NKAIN3: variants seen among roughly 807,000 people sequenced by gnomAD.
NKAIN3 encodes sodium/potassium-transporting ATPase subunit beta-1-interacting protein 3.
In NKAIN3, 25 loss-of-function variants were observed where a neutral mutation model predicts 30.2. The ratio of observed to expected loss-of-function variants is 0.83; its 90% confidence interval spans 0.60 to 1.16. The LOEUF is 1.16. NKAIN3 is among the 50% of genes most tolerant of loss of function. The pLI, the probability that NKAIN3 is intolerant of heterozygous loss-of-function variation, is 0.00. For missense variants in NKAIN3, 225 were observed against 254.1 expected, an observed-to-expected ratio of 0.89 and a Z score of 0.78; for synonymous variants, 91 against 89.6, an observed-to-expected ratio of 1.02 and a Z score of -0.09.
chr8:62,688,263 G>A (rs929097956), intron 3 of NKAIN3, among the ~76,000 whole-genome samples: 1 of 152,146 alleles, frequency 6.6e-6, no homozygotes, highest in Non-Finnish European at 1.5e-5. Context: ...TATTGGCCTT[G>A]GATCTAAACA....
chr8:62,282,703 A>G (rs1163840872), intron 1 of NKAIN3, among the ~76,000 whole-genome samples: 1 of 152,176 alleles, frequency 6.6e-6, no homozygotes, highest in Non-Finnish European at 1.5e-5. Flanking sequence ...GGTGACTGCC[A>G]GGGAATTTTG....
intron 5 of NKAIN3, among the ~76,000 whole-genome samples, chr8:62,940,305 A>G (rs765191095): frequency 2.6e-5 from 4 of 152,176 alleles, no homozygotes; most frequent in African/African-American, 7.2e-5. Flanking sequence ...ATAGGCAGCA[A>G]CACAATAATG....
intron 3 of NKAIN3, among the ~76,000 whole-genome samples, chr8:62,654,433 A>G (rs1812709409): frequency 6.6e-6 from 1 of 152,150 alleles, no homozygotes; most frequent in South Asian, 2.1e-4. Context: ...CAAAAGCTTC[A>G]ATGGCTTAAA....
chr8:62,361,912 C>T (rs1176909132), intron 1 of NKAIN3, among the ~76,000 whole-genome samples: 4 of 152,184 alleles, frequency 2.6e-5, no homozygotes, highest in Middle Eastern at 3.4e-3. Flanking sequence ...TTATTAGCTC[C>T]TTTTTATCAT....
chr8:62,276,596 T>G (rs1812972187), intron 1 of NKAIN3, among the ~76,000 whole-genome samples: 2 of 152,210 alleles, frequency 1.3e-5, no homozygotes, highest in South Asian at 4.1e-4. Flanking sequence ...ACCTACGTAT[T>G]TGGTTTTGTC....
At chr8:62,864,355 C>A (rs1490376372) in intron 4 of NKAIN3, among the ~76,000 whole-genome samples, 3 of 152,088 alleles carry the variant, frequency 2.0e-5, no homozygotes, top group African/African-American at 7.2e-5. Flanking sequence ...AGATCAGGAA[C>A]TTGCGAACAT....
chr8:62,548,193 T>G (rs1039407739), intron 1 of NKAIN3, among the ~76,000 whole-genome samples: 4 of 152,216 alleles, frequency 2.6e-5, no homozygotes, highest in Non-Finnish European at 2.9e-5. Flanking sequence ...ATATTTCTTC[T>G]GAAAATACCT....
intron 4 of NKAIN3, chr8:62,856,308 A>G: frequency 4.3e-6 from 4 of 920,680 alleles, no homozygotes; most frequent in Non-Finnish European, 7.3e-6. Context: ...AGAGATCACT[A>G]TATCTTTGAT....
intron 3 of NKAIN3, among the ~76,000 whole-genome samples, chr8:62,730,067 T>G (rs960450914): frequency 2.0e-5 from 3 of 152,228 alleles, no homozygotes; most frequent in Non-Finnish European, 4.4e-5. Context: ...TACCACAGCA[T>G]TGCTAATTTT....
intron 1 of NKAIN3, among the ~76,000 whole-genome samples, chr8:62,525,775 C>G (rs1808286798): frequency 6.6e-6 from 1 of 152,076 alleles, no homozygotes; most frequent in Non-Finnish European, 1.5e-5. Context: ...GCAAGTTGGT[C>G]TGGTGTGGCT....
intron 4 of NKAIN3, among the ~76,000 whole-genome samples, chr8:62,889,001 T>C (rs1351195008): frequency 6.6e-6 from 1 of 152,162 alleles, no homozygotes; most frequent in Non-Finnish European, 1.5e-5. Flanking sequence ...ACAAATGCTG[T>C]GTGTCAGCAA....
At chr8:62,373,659 CACTT>C (rs945877589) in intron 1 of NKAIN3, among the ~76,000 whole-genome samples, 16 of 151,664 alleles carry the variant, frequency 1.1e-4, no homozygotes, top group Non-Finnish European at 1.9e-4. Context: ...GCAAGTCAAA[CACTT>C]ACTTAAAAGA....
intron 1 of NKAIN3, among the ~76,000 whole-genome samples, chr8:62,475,983 A>T (rs1183658375): frequency 3.3e-5 from 5 of 152,292 alleles, no homozygotes; most frequent in Middle Eastern, 3.4e-3. Context: ...TTTTCATGAG[A>T]TTCATAATAA....
intron 4 of NKAIN3, among the ~76,000 whole-genome samples, chr8:62,755,084 T>C (rs1291743373): frequency 6.6e-6 from 1 of 152,370 alleles, no homozygotes; most frequent in East Asian, 1.9e-4. Context: ...TTTTCAAATA[T>C]GAACTCACTT....
In NKAIN3 at chr8:62,971,708, T is replaced by A. The variant is rs1198669124; in HGVS notation, c.*6301T>A. ...ATAAAATCATACTTAGCAGTTTCAA[T>A]CACACAGTTCAAACTAATTGACATG... On this transcript the variant is annotated 3_prime_UTR_variant, in exon 7 of 7. Coordinates refer to ENST00000623646, the MANE Select transcript of NKAIN3 (RefSeq NM_001304533.3). Among the ~76,000 whole-genome samples the A allele has an allele frequency of 6.6e-6, 1 of 152,154 alleles. No homozygotes were observed. The highest frequency in any genetic ancestry group is 1.5e-5 in the Non-Finnish European group (1 of 68,034).
chr8:62,695,433 C>A (rs1265443289), intron 3 of NKAIN3, among the ~76,000 whole-genome samples: 1 of 151,990 alleles, frequency 6.6e-6, no homozygotes, highest in Non-Finnish European at 1.5e-5. Flanking sequence ...ATAATCCTGG[C>A]TGGTGATAAT....
intron 4 of NKAIN3, among the ~76,000 whole-genome samples, chr8:62,870,657 A>C (rs1265783543): frequency 6.5e-5 from 9 of 138,206 alleles, no homozygotes; most frequent in Non-Finnish European, 1.1e-4. Context: ...ATCTATATCT[A>C]GATATATATA....
chr8:62,925,690 G>A (rs1822413132), intron 5 of NKAIN3, among the ~76,000 whole-genome samples: 1 of 152,186 alleles, frequency 6.6e-6, no homozygotes, highest in Non-Finnish European at 1.5e-5. Context: ...GGATCCGCAA[G>A]TCACTGACAG....
At chr8:62,668,851 G>C (rs1382619358) in intron 3 of NKAIN3, among the ~76,000 whole-genome samples, 1 of 152,064 alleles carries the variant, frequency 6.6e-6, no homozygotes, top group East Asian at 1.9e-4. Flanking sequence ...TAATTGTCAA[G>C]TTTTCCTTCA....
Sources: gnomAD v4.1 joint callset for allele counts (sites outside exome capture counted in the v4.1 genomes callset) on GRCh38, gnomAD v4.1.1 for gene constraint, MANE v1.5 for transcripts, NCBI Gene and HGNC (gene_info 2026-07-23, HGNC 2026-07-21) for gene names.